Variants in CBX7 observed in about 807,000 individuals in gnomAD.
The protein encoded by CBX7 is chromobox protein homolog 7.
CBX7 carries 14 observed loss-of-function variants against 31.4 expected under a neutral mutation model. The ratio of observed to expected loss-of-function variants is 0.45; its 90% CI spans 0.29 to 0.70. CBX7 has a LOEUF of 0.70. Among genes scored for constraint, CBX7 ranks in the 30% least tolerant of loss-of-function variants. CBX7 has a pLI of 0.11. For synonymous variants in CBX7, 159 were observed against 152.6 expected (o/e 1.04, Z -0.31); for missense variants, 269 against 351.9 (o/e 0.76, Z 1.89).
chr22:39,145,364 A>G (rs947173647), intron 2 of CBX7, among the ~76,000 whole-genome samples: 3 of 152,150 alleles, frequency 2.0e-5, no homozygotes, highest in Non-Finnish European at 4.4e-5. Flanking sequence ...CTGGCAACCC[A>G]GGAGCGCGCC....
chr22:39,133,705 G>T lies in CBX7; in HGVS notation c.*186C>A. ...GAGCAACTCTCTCCATCCCCAGCCT[G>T]AGGCCTCGTGGTAAACGTCCCTCAG... On this transcript the variant is annotated 3_prime_UTR_variant, in exon 6 of 6. Transcript: ENST00000216133. 1.8e-6 allele frequency: 1 copy of T among 556,706 alleles called. No homozygotes were observed. The highest frequency in any genetic ancestry group is 3.0e-6 in the Non-Finnish European group (1 of 332,892). The allele number at this position is 556,706 out of a possible 1,614,324, so 34.5% of individuals were successfully genotyped here.
Position 39,131,499 on chromosome 22 carries a change from A to T in CBX7, c.*2392T>A, listed in dbSNP as rs1441104244. 2.0e-5 allele frequency: 3 copies of T among 152,614 alleles called. No homozygotes were observed. The highest frequency in any genetic ancestry group is 4.4e-5 in the Non-Finnish European group (3 of 68,116). 9.5% of individuals were successfully genotyped at this position (152,614 alleles called of 1,614,324 possible). Reference sequence around the variant, plus strand: ...CTGGAGGATGGTCCTAACGGCCCACAGCCTTTTCCCCCAGGGAGCTGGCTC... The same window carrying T: ...CTGGAGGATGGTCCTAACGGCCCACTGCCTTTTCCCCCAGGGAGCTGGCTC... On this transcript the variant is annotated 3_prime_UTR_variant, in exon 6 of 6. Coordinates refer to ENST00000216133, the MANE Select transcript of CBX7 (RefSeq NM_175709.5).
rs946357380 is a variant in CBX7 at position 39,151,532 on chromosome 22, G to A, written c.69+844C>T. ...TGACCCCCTAAGGCCCCTCCCAGTC[G>A]GCCTGGAGCCTCCCAAAGGGCTGCA... is the stretch of plus-strand genomic sequence containing the variant. On this transcript the variant is annotated intron_variant, in intron 1 of 5. Coordinates refer to ENST00000216133, the MANE Select transcript of CBX7 (RefSeq NM_175709.5). Among the ~76,000 whole-genome samples the A allele has an allele frequency of 1.6e-4, 25 of 152,182 alleles. 1 individual carries two copies. Among genetic ancestry groups the A allele is most frequent in the Admixed American group, 1.4e-3 (22 of 15,280 alleles).
At chr22:39,140,779 G>C (rs1022569601) in intron 3 of CBX7, among the ~76,000 whole-genome samples, 3 of 152,152 alleles carry the variant, frequency 2.0e-5, no homozygotes, top group African/African-American at 7.2e-5. Flanking sequence ...GGTGTGCCCA[G>C]CTTCCCTGAG....
At chr22:39,151,696 C>T (rs1337638744) in intron 1 of CBX7, among the ~76,000 whole-genome samples, 1 of 152,156 alleles carries the variant, frequency 6.6e-6, no homozygotes, top group Non-Finnish European at 1.5e-5. Context: ...CAAAGTCTAG[C>T]CCCAAAGTGT....
At position 39,138,650 on chromosome 22, in the gene CBX7, G is replaced by A. The variant is rs1930340936; in HGVS notation, c.232C>T (p.Arg78Trp). ...GYRKRGPKPK[R>W]LLLQRLYSMD... ...AGGCTGGTTACCTGCAGCAGAAGCC[G>A]CTTGGGTTTCGGACCTCTCTTCCTA... The change falls in exon 4 of 6, where the codon CGG (arginine) becomes TGG (tryptophan). Residue 78 changes from arginine (R) to tryptophan (W), a missense_variant. By Grantham distance (101) the Arg-to-Trp change is moderately radical. Transcript: ENST00000216133. 4 of 1,614,032 alleles carry A rather than the reference G, an allele frequency of 2.5e-6. No individual in the cohort carries two copies. Among genetic ancestry groups the A allele is most frequent in the South Asian group, 1.1e-5 (1 of 91,094 alleles).
intron 3 of CBX7, 95 bp downstream of exon 3, chr22:39,141,276 C>A: frequency 1.8e-6 from 2 of 1,098,368 alleles, no homozygotes; most frequent in African/African-American, 1.5e-5. Flanking sequence ...ACACCCCTGC[C>A]CTGCCCCAAC....
chr22:39,142,195 CTGA>C (rs1930482755), intron 2 of CBX7, among the ~76,000 whole-genome samples: 1 of 152,178 alleles, frequency 6.6e-6, no homozygotes, highest in African/African-American at 2.4e-5. Context: ...GACTCTTGTG[CTGA>C]TGAGATGTGT....
chr22:39,142,015 G>A (rs996684135), intron 2 of CBX7, among the ~76,000 whole-genome samples: 21 of 152,280 alleles, frequency 1.4e-4, no homozygotes, highest in Middle Eastern at 3.4e-3. Context: ...GTGCCAGGAG[G>A]AGAGAGGGCG....
Position 39,138,778 on chromosome 22 carries a change from C to G in CBX7, c.180-76G>C. On this transcript the variant is annotated intron_variant, in intron 3 of 5. Transcript: ENST00000216133. ...AGGGAAGGGAAGGCATCCGCTTCGC[C>G]CGCCCTCTGCTGTCTGTCAGGGAGG... is the stretch of plus-strand genomic sequence containing the variant. The G allele has an allele frequency of 3.0e-6, 4 of 1,345,952 alleles. No homozygotes were observed. The South Asian group carries it at 4.7e-5, about 16-fold the overall frequency. The allele number at this position is 1,345,952 out of a possible 1,614,324, so 83.4% of individuals were successfully genotyped here. A position where few individuals can be genotyped will look rare whatever the true frequency, so the allele number is the denominator to read the frequency against.
In CBX7 at chr22:39,132,326, G is replaced by A. The variant is rs1319141227; in HGVS notation, c.*1565C>T. The A allele has an allele frequency of 6.6e-6, 1 of 152,226 alleles. No individual in the cohort carries two copies. Among genetic ancestry groups the A allele is most frequent in the Admixed American group, 6.5e-5 (1 of 15,290 alleles). 9.4% of individuals were successfully genotyped at this position (152,226 alleles called of 1,614,324 possible). On this transcript the variant is annotated 3_prime_UTR_variant, in exon 6 of 6. Transcript: ENST00000216133. ...GCAGAGCTGCGAGGAGGGCGGGCAGGTCTCAAACTTGCTGGCCGCACTCCA... is the reference window on the plus strand; with the variant it reads ...GCAGAGCTGCGAGGAGGGCGGGCAGATCTCAAACTTGCTGGCCGCACTCCA...
intron 3 of CBX7, among the ~76,000 whole-genome samples, chr22:39,140,267 G>A (rs1423989359): frequency 6.6e-6 from 1 of 152,204 alleles, no homozygotes; most frequent in African/African-American, 2.4e-5. Context: ...CAAAGGGAAA[G>A]TGTCCCTGGT....
At chr22:39,148,042 G>A (rs1930722848) in intron 2 of CBX7, 1 of 152,274 alleles carries the variant, frequency 6.6e-6, no homozygotes, top group Admixed American at 6.5e-5. Flanking sequence ...CGAAGATGAG[G>A]AAGCAGAGAC....
At position 39,133,953 on chromosome 22, in the gene CBX7, C is replaced by T. The variant is rs760281486; in HGVS notation, c.694G>A (p.Val232Ile). ...VTDITANSIT[V>I]TFREAQAAEG... ...GCTGCCTGGGCCTCGCGGAAGGTGACGGTGATGGAGTTGGCGGTGATGTCG... is the reference window on the plus strand; with the variant it reads ...GCTGCCTGGGCCTCGCGGAAGGTGATGGTGATGGAGTTGGCGGTGATGTCG... Residue 232 changes from valine (V) to isoleucine (I), a missense_variant, in exon 6 of 6, where the codon GTC (valine) becomes ATC (isoleucine). Around this residue, in one of 2 missense-constraint regions of CBX7, gnomAD observed 222 missense variants for 240.4 expected, o/e 0.92. Coordinates refer to ENST00000216133, the MANE Select transcript of CBX7 (RefSeq NM_175709.5). 1.9e-5 allele frequency: 30 copies of T among 1,613,772 alleles called. No homozygotes were observed. Among genetic ancestry groups the T allele is most frequent in the South Asian group, 7.7e-5 (7 of 91,058 alleles).
At chr22:39,150,526 T>G (rs538016368) in intron 1 of CBX7, among the ~76,000 whole-genome samples, 1 of 152,274 alleles carries the variant, frequency 6.6e-6, no homozygotes, top group East Asian at 1.9e-4. Context: ...CCCAACACTT[T>G]GGAAGGCTGA....
chr22:39,141,349 G>A (rs367627839), intron 3 of CBX7, 22 bp downstream of exon 3: 85 of 1,602,950 alleles, frequency 5.3e-5, no homozygotes, highest in Middle Eastern at 3.3e-4. Context: ...AGCCCCACCC[G>A]GCGGTGCCGA....
chr22:39,145,099 C>T (rs1325476372), intron 2 of CBX7, among the ~76,000 whole-genome samples: 5 of 152,170 alleles, frequency 3.3e-5, no homozygotes, highest in Admixed American at 1.3e-4. Flanking sequence ...CCGCAGGGCG[C>T]GGCGCACAGT....
chr22:39,141,554 G>T, intron 2 of CBX7, 118 bp from the exon 3 acceptor site: 2 of 736,878 alleles, frequency 2.7e-6, no homozygotes, highest in South Asian at 3.2e-5. Flanking sequence ...TTCAAGACCA[G>T]CCTGGCCAAC....
chr22:39,138,521 G>T, intron 4 of CBX7, 115 bp downstream of exon 4: 1 of 972,068 alleles, frequency 1.0e-6, no homozygotes, highest in Non-Finnish European at 1.7e-6. Context: ...GCCCTGGGTG[G>T]TACAGGCGAG....
Sources: gnomAD v4.1 joint callset for allele counts (sites outside exome capture counted in the v4.1 genomes callset) on GRCh38, gnomAD v4.1.1 for gene constraint, gnomAD v4.1.1 regional missense constraint, MANE v1.5 for transcripts, NCBI Gene and HGNC (gene_info 2026-07-23, HGNC 2026-07-21) for gene names.